The following TPM1 variants were observed in gnomAD, a reference collection of about 807,000 sequenced individuals.
The protein encoded by TPM1 is tropomyosin alpha-1 chain.
In TPM1, 24 loss-of-function variants were observed where a neutral mutation model predicts 42.9. The ratio of observed to expected loss-of-function variants is 0.56; its 90% CI spans 0.41 to 0.79. The LOEUF is 0.79. Ranked by LOEUF, TPM1 falls within the 30% of genes least tolerant of loss-of-function variation. TPM1 has a pLI of 0.00. For synonymous variants in TPM1, 136 were observed against 130.1 expected (o/e 1.05, Z -0.31); for missense variants, 158 against 351.8 (o/e 0.45, Z 4.41).
At chr15:63,064,226 A>G (rs1413477123) in intron 9 of TPM1, 84 bp downstream of exon 9, 6 of 1,561,276 alleles carry the variant, frequency 3.8e-6, no homozygotes, top group East Asian at 2.4e-5. Context: ...CTTGCTCCCT[A>G]ATCTCCATCT....
Position 63,042,949 on chromosome 15 carries a change from C to A in TPM1, c.114+6C>A, listed in dbSNP as rs1172117806. On this transcript the variant is annotated splice_donor_region_variant and intron_variant, in intron 1 of 9. Coordinates refer to ENST00000403994, the MANE Select transcript of TPM1 (RefSeq NM_001018005.2). ...CGGAAGACAGGAGCAAGCAGGTCTG[C>A]GCCTCCCCGGCCCTGCGCCCGCGCC... The A allele has an allele frequency of 3.1e-6, 5 of 1,587,834 alleles. No homozygotes were observed. The South Asian group carries it at 4.5e-5, about 14-fold the overall frequency.
chr15:63,069,850 C>G, downstream of TPM1: 1 of 1,613,946 alleles, frequency 6.2e-7, no homozygotes, highest in Non-Finnish European at 8.5e-7. Flanking sequence ...TTCTGCTAAC[C>G]TGCTTGCTGA....
Position 63,066,076 on chromosome 15 carries a change from T to A in TPM1, c.*177T>A, listed in dbSNP as rs1438570211. The A allele has an allele frequency of 1.3e-6, 2 of 1,532,612 alleles. No individual in the cohort carries two copies. The highest frequency in any genetic ancestry group is 1.7e-6 in the Non-Finnish European group (2 of 1,144,770). The allele number at this position is 1,532,612 out of a possible 1,614,324, so 94.9% of individuals were successfully genotyped here. On this transcript the variant is annotated 3_prime_UTR_variant, in exon 10 of 10. Transcript: ENST00000403994. ...AGAAGCTCTTCGTTTCAGTGTCAAA[T>A]AAACACTGTGTAAGCTATTTCTGTT...
downstream of TPM1, among the ~76,000 whole-genome samples, chr15:63,066,778 G>C (rs1319004776): frequency 2.0e-5 from 3 of 152,110 alleles, no homozygotes; most frequent in African/African-American, 7.2e-5. Flanking sequence ...CTGTTTAGTC[G>C]TGATTTGTTT....
chr15:63,067,104 G>T (rs1015646483), downstream of TPM1, among the ~76,000 whole-genome samples: 19 of 148,254 alleles, frequency 1.3e-4, no homozygotes, highest in South Asian at 2.1e-3. Context: ...TATTTCTCCT[G>T]TTTTTTTTTT....
chr15:63,071,751 T>C (rs1402898482), exon 9 of TPM1: 1 of 161,742 alleles, frequency 6.2e-6, no homozygotes. Flanking sequence ...CATGACAATC[T>C]GTAGGATAAC....
At chr15:63,062,729 C>T (rs2035811139) in intron 8 of TPM1, 84 bp downstream of exon 8, 4 of 1,607,360 alleles carry the variant, frequency 2.5e-6, no homozygotes, top group African/African-American at 1.3e-5. Context: ...CAAGGGCATC[C>T]ACATTGATAC....
At position 63,049,039 on chromosome 15, in the gene TPM1, G is replaced by C. The variant is rs66793829; in HGVS notation, c.240+4887G>C. 0.16 allele frequency: 55,084 copies of C among 336,888 alleles called. 4,816 individuals are homozygous for C. Among genetic ancestry groups the C allele is most frequent in the Middle Eastern group, 0.27 (648 of 2,428 alleles). 20.9% of individuals were successfully genotyped at this position (336,888 alleles called of 1,614,324 possible). A position where few individuals can be genotyped will look rare whatever the true frequency, so the allele number is the denominator to read the frequency against. ...TCGTGTCTGTGCGTCCCCGGGAGGT[G>C]CACTTTGCGCTGCTGGCTTGCTTTA... is the stretch of plus-strand genomic sequence containing the variant. On this transcript the variant is annotated intron_variant, in intron 2 of 9. Coordinates refer to ENST00000403994, the MANE Select transcript of TPM1 (RefSeq NM_001018005.2).
chr15:63,048,882 G>A, intron 2 of TPM1: 1 of 788,596 alleles, frequency 1.3e-6, no homozygotes, highest in Non-Finnish European at 2.1e-6. Flanking sequence ...GGCCCGGCCT[G>A]TTCTCCTGAG....
intron 2 of TPM1, among the ~76,000 whole-genome samples, chr15:63,055,417 G>T (rs760106045): frequency 2.0e-5 from 3 of 152,200 alleles, no homozygotes; most frequent in Non-Finnish European, 4.4e-5. Context: ...AGAGCTGAAG[G>T]TTCTCAGATT....
chr15:63,065,832 T>C (rs1211232707), intron 9 of TPM1, 64 bp from the exon 10 acceptor site: 3 of 1,535,124 alleles, frequency 2.0e-6, no homozygotes, highest in African/African-American at 1.4e-5. Context: ...TGGTTTCCTT[T>C]CTTTTTTTTT....
chr15:63,065,541 A>T (rs951424456), intron 9 of TPM1: 11 of 985,130 alleles, frequency 1.1e-5, no homozygotes, highest in Admixed American at 6.1e-5. Flanking sequence ...GGTGGAGCAG[A>T]TCATCTGTCT....
At position 63,042,792 on chromosome 15, in the gene TPM1, C is replaced by G. The variant is rs770121340; in HGVS notation, c.-38C>G. On this transcript the variant is annotated 5_prime_UTR_variant, in exon 1 of 10. Transcript: ENST00000403994. The stretch of plus-strand genomic sequence containing the variant: ...GCCCGACCGCGCGCTCGCCCCGCCG[C>G]TCCTGCTGCAGCCCCAGGGCCCCTC... 88 of 1,580,208 alleles carry G rather than the reference C, an allele frequency of 5.6e-5. No individual in the cohort carries two copies. Among genetic ancestry groups the G allele is most frequent in the Non-Finnish European group, 7.4e-5 (85 of 1,152,694 alleles).
chr15:63,048,604 T>TGCGCAGGAAGATCCGGAGC, intron 2 of TPM1: 1 of 1,531,330 alleles, frequency 6.5e-7, no homozygotes, highest in Non-Finnish European at 8.8e-7. Flanking sequence ...CTGGAGGCGG[T>TGCGCAGGAAGATCCGGAGC]GCGCAGGAAG....
At chr15:63,066,780 G>A (rs930094957), downstream of TPM1, among the ~76,000 whole-genome samples, 1 of 152,100 alleles carries the variant, frequency 6.6e-6, no homozygotes, top group African/African-American at 2.4e-5. Flanking sequence ...GTTTAGTCGT[G>A]ATTTGTTTTG....
chr15:63,059,890 G>C (rs1224184516), intron 4 of TPM1: 4 of 421,694 alleles, frequency 9.5e-6, no homozygotes, highest in Non-Finnish European at 1.8e-5. Flanking sequence ...AAGCCAATCA[G>C]TAGCACTGCG....
intron 2 of TPM1, among the ~76,000 whole-genome samples, chr15:63,054,181 A>C (rs2034408609): frequency 6.6e-6 from 1 of 152,044 alleles, no homozygotes; most frequent in Non-Finnish European, 1.5e-5. Flanking sequence ...ACTATATCAC[A>C]AACTGGCACC....
downstream of TPM1, among the ~76,000 whole-genome samples, chr15:63,068,282 C>T (rs943274462): frequency 3.9e-5 from 6 of 152,070 alleles, no homozygotes; most frequent in African/African-American, 1.4e-4. Context: ...GAAGCGAGTC[C>T]GAACTAATAG....
intron 2 of TPM1, chr15:63,048,872 G>A (rs931977274): frequency 1.1e-5 from 10 of 872,914 alleles, no homozygotes; most frequent in Admixed American, 2.1e-5. Context: ...TCTGGGGAGG[G>A]GCCCGGCCTG....
Sources: gnomAD v4.1 joint callset for allele counts (sites outside exome capture counted in the v4.1 genomes callset) on GRCh38, gnomAD v4.1.1 for gene constraint, MANE v1.5 for transcripts, NCBI Gene and HGNC (gene_info 2026-07-23, HGNC 2026-07-21) for gene names.